SUGCT: variants seen among roughly 807,000 people sequenced by gnomAD.
The protein encoded by SUGCT is succinyl-CoA:glutarate-CoA transferase.
In SUGCT, 41 loss-of-function variants were observed where a neutral mutation model predicts 55.0. The ratio of observed to expected loss-of-function variants is 0.74; its 90% CI spans 0.58 to 0.97. SUGCT has a LOEUF of 0.97. Among genes scored for constraint, SUGCT ranks in the 50% least tolerant of loss-of-function variants. The pLI is 0.00. For synonymous variants in SUGCT, 187 were observed against 200.4 expected, an observed-to-expected ratio of 0.93 and a Z score of 0.56; for missense variants, 568 against 547.8, an observed-to-expected ratio of 1.04 and a Z score of -0.37.
At chr7:40,492,726 G>A (rs1276610926) in intron 11 of SUGCT, among the ~76,000 whole-genome samples, 14 of 152,098 alleles carry the variant, frequency 9.2e-5, no homozygotes, top group Admixed American at 8.5e-4. Flanking sequence ...CAAATATCGC[G>A]TTGTTTTTGA....
At chr7:40,181,746 CAA>C (rs35533534) in intron 2 of SUGCT, among the ~76,000 whole-genome samples, 18 of 103,828 alleles carry the variant, frequency 1.7e-4, no homozygotes, top group Admixed American at 1.9e-4. Flanking sequence ...ACTCCGTCTC[CAA>C]AAAAAAAAAA....
At position 40,201,224 on chromosome 7, in the gene SUGCT, GGAA is replaced by G. The variant is rs1000484402; in HGVS notation, c.484+6170_484+6172del. 2.3e-3 allele frequency among the ~76,000 whole-genome samples: 352 copies of G among 152,188 alleles called. 2 individuals are homozygous for G. The highest frequency in any genetic ancestry group is 8.2e-3 in the African/African-American group (340 of 41,526). ...AAAAAGGAAGGAGGGAATGAAGAAA[GGAA>G]GAAGAGAAGGAAGAATAAAATAAGA... On this transcript the variant is annotated intron_variant, in intron 6 of 13. Coordinates refer to ENST00000335693, the MANE Select transcript of SUGCT (RefSeq NM_001193313.2).
At chr7:40,356,143 G>A (rs1322826299) in intron 9 of SUGCT, among the ~76,000 whole-genome samples, 1 of 152,190 alleles carries the variant, frequency 6.6e-6, no homozygotes, top group Non-Finnish European at 1.5e-5. Flanking sequence ...TGTGGGAATG[G>A]AAATCTCACT....
the SUGCT span, among the ~76,000 whole-genome samples, chr7:40,951,246 T>A: frequency 0.33 from 50,565 of 152,096 alleles, 9,125 homozygotes; most frequent in Admixed American, 0.45. Context: ...TTTATTTGCG[T>A]AGAAGTGTTT....
chr7:40,439,156 A>G (rs1788363178), intron 9 of SUGCT, among the ~76,000 whole-genome samples: 1 of 140,566 alleles, frequency 7.1e-6, no homozygotes, highest in Non-Finnish European at 1.5e-5. Flanking sequence ...CATAGCAGCA[A>G]CTATTTTATG....
At chr7:40,826,989 A>T (rs1425981399) in intron 13 of SUGCT, among the ~76,000 whole-genome samples, 1 of 152,128 alleles carries the variant, frequency 6.6e-6, no homozygotes, top group African/African-American at 2.4e-5. Flanking sequence ...TTCACCTCCA[A>T]ATCCACTAGA....
the SUGCT span, among the ~76,000 whole-genome samples, chr7:40,906,279 A>G: frequency 6.6e-6 from 1 of 152,128 alleles, no homozygotes; most frequent in Non-Finnish European, 1.5e-5. Flanking sequence ...GTGATCCTGT[A>G]CTCTGAAACT....
At chr7:40,266,909 G>C (rs551183539) in intron 7 of SUGCT, among the ~76,000 whole-genome samples, 1 of 152,098 alleles carries the variant, frequency 6.6e-6, no homozygotes, top group African/African-American at 2.4e-5. Context: ...CAAGCTACTC[G>C]GGAGGCTGAG....
At chr7:40,636,388 G>A (rs1261898409) in intron 12 of SUGCT, among the ~76,000 whole-genome samples, 2 of 152,154 alleles carry the variant, frequency 1.3e-5, no homozygotes, top group Non-Finnish European at 2.9e-5. Context: ...AGGGAGTCAG[G>A]TGGAAGCTGT....
the SUGCT span, among the ~76,000 whole-genome samples, chr7:40,915,437 G>A: frequency 1.1e-4 from 17 of 152,258 alleles, no homozygotes; most frequent in Non-Finnish European, 1.6e-4. Flanking sequence ...AGGAGGAATT[G>A]TCTATGAATG....
At chr7:40,247,000 A>G (rs1443042267) in intron 7 of SUGCT, among the ~76,000 whole-genome samples, 1 of 152,184 alleles carries the variant, frequency 6.6e-6, no homozygotes, top group Non-Finnish European at 1.5e-5. Context: ...CAAAGTATTC[A>G]CATTGCTATT....
intron 12 of SUGCT, among the ~76,000 whole-genome samples, chr7:40,540,599 T>C (rs1302630978): frequency 6.6e-6 from 1 of 152,204 alleles, no homozygotes; most frequent in Non-Finnish European, 1.5e-5. Context: ...CTCTCTGGGG[T>C]ATATTAATGT....
chr7:40,161,451 A>AT (rs1035782322), intron 1 of SUGCT, among the ~76,000 whole-genome samples: 13 of 151,606 alleles, frequency 8.6e-5, no homozygotes, highest in African/African-American at 2.4e-4. Flanking sequence ...CCCCATGCAT[A>AT]TTTTTTTTGC....
At chr7:40,751,474 T>C (rs1788008318) in intron 13 of SUGCT, among the ~76,000 whole-genome samples, 1 of 152,130 alleles carries the variant, frequency 6.6e-6, no homozygotes, top group Non-Finnish European at 1.5e-5. Flanking sequence ...GTGGTTAAAA[T>C]AAAAAATGTA....
intron 9 of SUGCT, among the ~76,000 whole-genome samples, chr7:40,392,765 G>T (rs1317659220): frequency 6.6e-6 from 1 of 152,194 alleles, no homozygotes; most frequent in African/African-American, 2.4e-5. Context: ...CCATGTGAAA[G>T]ATGAGCAAGA....
At chr7:40,872,218 G>A in the SUGCT span, among the ~76,000 whole-genome samples, 8 of 152,216 alleles carry the variant, frequency 5.3e-5, no homozygotes, top group East Asian at 7.7e-4. Flanking sequence ...GTGCCTGACC[G>A]TCCCATCTAT....
At chr7:40,928,316 A>C in the SUGCT span, among the ~76,000 whole-genome samples, 2 of 152,034 alleles carry the variant, frequency 1.3e-5, no homozygotes, top group Non-Finnish European at 2.9e-5. Flanking sequence ...TATTTAGCTT[A>C]TCTCTTCACT....
At chr7:40,552,229 C>T (rs576909554) in intron 12 of SUGCT, among the ~76,000 whole-genome samples, 1 of 152,278 alleles carries the variant, frequency 6.6e-6, no homozygotes, top group Admixed American at 6.5e-5. Flanking sequence ...GGAGAGAATT[C>T]TACTCTGTGG....
chr7:40,323,709 A>C (rs970188032), intron 9 of SUGCT, among the ~76,000 whole-genome samples: 1 of 152,166 alleles, frequency 6.6e-6, no homozygotes, highest in Non-Finnish European at 1.5e-5. Context: ...TGTTATTATC[A>C]ATGACTATAG....
Sources: gnomAD v4.1 joint callset for allele counts (sites outside exome capture counted in the v4.1 genomes callset) on GRCh38, gnomAD v4.1.1 for gene constraint, MANE v1.5 for transcripts, NCBI Gene and HGNC (gene_info 2026-07-23, HGNC 2026-07-21) for gene names.